Variants in NLRC5 observed in about 807,000 individuals in gnomAD.
NLRC5 encodes the protein protein NLRC5.
In NLRC5, 114 loss-of-function variants were observed where a neutral mutation model predicts 206.9. The ratio of observed to expected loss-of-function variants is 0.55; its 90% CI spans 0.47 to 0.64. NLRC5 has a LOEUF of 0.64. NLRC5 is among the 30% of genes least tolerant of loss of function. The pLI is 0.00. For synonymous variants in NLRC5, 952 were observed against 962.8 expected, an observed-to-expected ratio of 0.99 and a Z score of 0.21; for missense variants, 2,008 against 2,305.5, an observed-to-expected ratio of 0.87 and a Z score of 2.64.
chr16:57,056,403 A>G (rs1469280538), intron 27 of NLRC5, among the ~76,000 whole-genome samples: 2 of 151,512 alleles, frequency 1.3e-5, no homozygotes, highest in African/African-American at 4.9e-5. Flanking sequence ...CGATCCTCCC[A>G]CCTCAGCCTC....
intron 14 of NLRC5, 53 bp downstream of exon 14, chr16:57,036,236 G>A (rs2062559007): frequency 6.5e-7 from 1 of 1,545,612 alleles, no homozygotes; most frequent in Admixed American, 1.7e-5. Context: ...TAGAGCCCCA[G>A]GAGGTCCCCG....
intron 21 of NLRC5, among the ~76,000 whole-genome samples, chr16:57,045,820 C>T (rs527345567): frequency 6.6e-6 from 1 of 152,344 alleles, no homozygotes; most frequent in South Asian, 2.1e-4. Flanking sequence ...TTCTGCGTTT[C>T]GGGGAATTTT....
chr16:57,027,002 C>A lies in NLRC5; in HGVS notation c.2059C>A (p.Gln687Lys), dbSNP rs141177280. The change falls in exon 6 of 49, where the codon CAG becomes AAG. Residue 687 changes from glutamine to lysine, a missense_variant. Coordinates refer to ENST00000688547, the MANE Select transcript of NLRC5 (RefSeq NM_001384950.1). ...CCCTGAGGCTCTGGTAGGCTGTGGG[C>A]AGATAGAGAATCTCAGGTGAGTAAG... is the stretch of plus-strand genomic sequence containing the variant. Reference protein sequence around the residue: ...HCPEALVGCGQIENLSFKSRK... With the variant: ...HCPEALVGCGKIENLSFKSRK... 117 of 1,613,434 alleles carry A rather than the reference C, an allele frequency of 7.3e-5. No individual in the cohort carries two copies. The African/African-American group carries it at 1.5e-3, about 21-fold the overall frequency.
chr16:57,064,689 C>T (rs1264582840), intron 32 of NLRC5, among the ~76,000 whole-genome samples: 2 of 152,126 alleles, frequency 1.3e-5, no homozygotes, highest in East Asian at 1.9e-4. Flanking sequence ...TTTGGGAGGC[C>T]GAGGCAGGTG....
intron 1 of NLRC5, among the ~76,000 whole-genome samples, chr16:56,993,241 GT>G (rs1244953658): frequency 6.1e-4 from 87 of 143,010 alleles, no homozygotes; most frequent in Admixed American, 9.1e-4. Context: ...TCTAACTTGG[GT>G]TTTTTTTTTT....
chr16:57,001,366 C>A (rs2058225762), intron 1 of NLRC5, among the ~76,000 whole-genome samples: 1 of 152,188 alleles, frequency 6.6e-6, no homozygotes, highest in African/African-American at 2.4e-5. Flanking sequence ...GGTCTTGTTT[C>A]CCCTCCATCC....
intron 29 of NLRC5, 86 bp from the exon 30 acceptor site, chr16:57,059,381 C>A (rs766077467): frequency 9.8e-6 from 15 of 1,537,742 alleles, no homozygotes; most frequent in Non-Finnish European, 1.2e-5. Flanking sequence ...AGCCCCGCTT[C>A]CCTCTCTGTG....
At chr16:57,071,275 GGT>G (rs1270450946) in intron 38 of NLRC5, among the ~76,000 whole-genome samples, 1 of 143,262 alleles carries the variant, frequency 7.0e-6, no homozygotes, top group East Asian at 2.2e-4. Context: ...TGAGTTGTGG[GGT>G]TGGTTAATGG....
chr16:57,011,920 A>C (rs146242098), intron 1 of NLRC5, among the ~76,000 whole-genome samples: 1 of 152,314 alleles, frequency 6.6e-6, no homozygotes, highest in Non-Finnish European at 1.5e-5. Context: ...CATACCGTAA[A>C]ATCTATCCAT....
intron 39 of NLRC5, among the ~76,000 whole-genome samples, chr16:57,075,592 T>C (rs37481): frequency 0.33 from 49,808 of 152,100 alleles, 10,239 homozygotes; most frequent in Non-Finnish European, 0.45. Context: ...CTTTGAGTAG[T>C]GTGGGTCTAG....
At chr16:57,081,421 A>G in intron 47 of NLRC5, 106 bp from the exon 48 acceptor site, 2 of 1,094,064 alleles carry the variant, frequency 1.8e-6, no homozygotes, top group Non-Finnish European at 2.8e-6. Flanking sequence ...GTAGTGTGGG[A>G]GACTGTGTCC....
rs148647729 is a variant in NLRC5, at chr16:57,025,406, G to A, written c.463G>A (p.Ala155Thr). 8.9e-4 allele frequency: 1,383 copies of A among 1,559,548 alleles called. No homozygotes were observed. The highest frequency in any genetic ancestry group is 1.4e-3 in the Middle Eastern group (8 of 5,772). Residue 155 changes from alanine to threonine, a missense_variant, in exon 6 of 49, where the codon GCC (alanine) becomes ACC (threonine). Physicochemically the swap from Ala to Thr is moderately conservative, Grantham distance 58 (BLOSUM62 0). Transcript: ENST00000688547. ...KKYLQLLRTS[A>T]QQRYRSQIPG... is the part of the protein sequence containing the mutation. ...GTACCTGCAGCTCCTGCGGACCTCT[G>A]CCCAGCAGCGCTACAGGAGCCAAAT...
rs199476013 is a variant in NLRC5, at chr16:57,077,510, G to A, written c.4919+131G>A. On this transcript the variant is annotated intron_variant, in intron 41 of 48. Coordinates refer to ENST00000688547, the MANE Select transcript of NLRC5 (RefSeq NM_001384950.1). ...CCTCAGTGTCCAGGCAGTGGGGCTC[G>A]GTGACCTCCTGGCCCTCACTGCGGG... 4.4e-5 allele frequency: 43 copies of A among 975,826 alleles called. No homozygotes were observed. In the East Asian group the frequency reaches 7.1e-4, roughly 16 times the overall value. The allele number at this position is 975,826 out of a possible 1,614,324, so 60.4% of individuals were successfully genotyped here. A position where few individuals can be genotyped will look rare whatever the true frequency, so the allele number is the denominator to read the frequency against.
At position 57,055,069 on chromosome 16, in the gene NLRC5, G is replaced by C. The variant is rs367666146; in HGVS notation, c.3634G>C (p.Glu1212Gln). The change falls in exon 26 of 49, where the codon GAG becomes CAG. Residue 1212 changes from glutamate (E) to glutamine (Q), a missense_variant. Coordinates refer to ENST00000688547, the MANE Select transcript of NLRC5 (RefSeq NM_001384950.1). ...TGCAACTTTGCACTTCAGATCCAAC[G>C]AGGAGGAGGAAGGCGTGTGCTGTGG... The part of the protein sequence containing the change: ...HHATLHFRSN[E>Q]EEEGVCCGRF... 1 of 1,614,216 alleles carries C rather than the reference G, an allele frequency of 6.2e-7. No individual in the cohort carries two copies. The highest frequency in any genetic ancestry group is 8.5e-7 in the Non-Finnish European group (1 of 1,180,042).
intron 47 of NLRC5, 169 bp downstream of exon 47, chr16:57,081,350 C>T (rs2069119372): frequency 1.1e-6 from 1 of 899,918 alleles, no homozygotes; most frequent in Non-Finnish European, 1.7e-6. Flanking sequence ...GGGTTCTAGC[C>T]TTCAGCCTTC....
Position 57,055,413 on chromosome 16 carries a change from T to C in NLRC5, c.3660-20T>C. 1 of 1,611,356 alleles carries C rather than the reference T, an allele frequency of 6.2e-7. No homozygotes were observed. Among genetic ancestry groups the C allele is most frequent in the African/African-American group, 1.3e-5 (1 of 74,932 alleles). ...GGCCAAACGCCCCATCCCCTGCTTG[T>C]CCCCTTTACCTCCGTCCAGCAGGTT... On this transcript the variant is annotated intron_variant, in intron 26 of 48. Coordinates refer to ENST00000688547, the MANE Select transcript of NLRC5 (RefSeq NM_001384950.1).
rs2068794385 is a variant in NLRC5, at chr16:57,079,065, T to A, written c.5097T>A (p.His1699Gln). 1 of 1,614,062 alleles carries A rather than the reference T, an allele frequency of 6.2e-7. No individual in the cohort carries two copies. ...HLRVLHLPFS[H>Q]LGPGGALSLA... ...CTTTCCCCAGCCTACCATTCAGCCA[T>A]CTGGGCCCAGGTGGGGCCCTGAGCC... Residue 1699 changes from histidine to glutamine, a missense_variant, in exon 44 of 49, where the codon CAT (histidine) becomes CAA (glutamine). Physicochemically the swap from His to Gln is conservative, Grantham distance 24. Transcript: ENST00000688547.
At chr16:57,077,831 C>A (rs368391008) in intron 42 of NLRC5, 29 bp downstream of exon 42, 59 of 1,589,018 alleles carry the variant, frequency 3.7e-5, no homozygotes, top group Non-Finnish European at 4.5e-5. Flanking sequence ...GGCCTCTGCC[C>A]TCTGTGCCCC....
chr16:56,996,850 A>G, intron 1 of NLRC5, among the ~76,000 whole-genome samples: 1 of 152,202 alleles, frequency 6.6e-6, no homozygotes, highest in East Asian at 1.9e-4. Flanking sequence ...GGCCTCTGGA[A>G]TCAGCATAGA....
Sources: allele counts gnomAD v4.1 joint callset (sites outside exome capture counted in the v4.1 genomes callset), GRCh38; gene constraint gnomAD v4.1.1; transcripts MANE v1.5; gene names NCBI Gene and HGNC (gene_info 2026-07-23, HGNC 2026-07-21).